The following AFF3 variants were observed in gnomAD, a reference collection of about 807,000 sequenced individuals.
AFF3 encodes AF4/FMR2 family member 3.
AFF3 carries 32 observed loss-of-function variants against 129.7 expected under a neutral mutation model. The observed-to-expected ratio is 0.25, with a 90% CI of 0.19 to 0.33. The LOEUF is 0.33. AFF3 is among the 10% of genes least tolerant of loss of function. AFF3 has a pLI of 1.00. For missense variants in AFF3, 1,373 were observed against 1,592.0 expected (o/e 0.86, Z 2.34); for synonymous variants, 644 against 635.4 (o/e 1.01, Z -0.20).
At chr2:99,630,905 T>G (rs1683062364) in intron 13 of AFF3, 1 of 351,558 alleles carries the variant, frequency 2.8e-6, no homozygotes, top group Non-Finnish European at 6.0e-6. Flanking sequence ...CCAGGCGTGT[T>G]CTGGGCTCAC....
chr2:99,632,068 T>C (rs544527107), intron 13 of AFF3, among the ~76,000 whole-genome samples: 3 of 132,222 alleles, frequency 2.3e-5, no homozygotes, highest in Non-Finnish European at 4.6e-5. Flanking sequence ...CAGGCTGGAG[T>C]GCAATGGCGT....
chr2:99,843,527 A>C (rs1689479067), intron 7 of AFF3, among the ~76,000 whole-genome samples: 1 of 152,250 alleles, frequency 6.6e-6, no homozygotes, highest in Non-Finnish European at 1.5e-5. Context: ...TTATAGTTAG[A>C]AGTATTTAAT....
chr2:99,596,535 G>A (rs758790755), intron 14 of AFF3, among the ~76,000 whole-genome samples: 8 of 152,160 alleles, frequency 5.3e-5, no homozygotes, highest in African/African-American at 7.2e-5. Context: ...TGCTGAAGGG[G>A]CCTCTTGCAG....
At chr2:100,128,519 T>C (rs972576602) in intron 2 of AFF3, among the ~76,000 whole-genome samples, 2 of 152,200 alleles carry the variant, frequency 1.3e-5, no homozygotes, top group Non-Finnish European at 2.9e-5. Flanking sequence ...AAGCAATGAC[T>C]TTCCCAGAGT....
intron 11 of AFF3, among the ~76,000 whole-genome samples, chr2:99,714,008 C>T (rs1000329274): frequency 3.9e-5 from 6 of 152,078 alleles, no homozygotes; most frequent in Admixed American, 6.6e-5. Context: ...GCCAGACTCC[C>T]TAATTTTATA....
intron 13 of AFF3, among the ~76,000 whole-genome samples, chr2:99,638,410 C>A (rs1248547574): frequency 6.6e-6 from 1 of 151,928 alleles, no homozygotes; most frequent in Non-Finnish European, 1.5e-5. Flanking sequence ...TTGGCCCTTT[C>A]CTGTGTTCGC....
intron 4 of AFF3, among the ~76,000 whole-genome samples, chr2:100,068,902 C>T (rs1559102824): frequency 6.6e-6 from 1 of 152,164 alleles, no homozygotes; most frequent in Non-Finnish European, 1.5e-5. Flanking sequence ...GTCCCAACCT[C>T]AGTTCTATCA....
At chr2:99,583,826 C>A (rs1677822124) in intron 16 of AFF3, among the ~76,000 whole-genome samples, 1 of 152,012 alleles carries the variant, frequency 6.6e-6, no homozygotes, top group African/African-American at 2.4e-5. Flanking sequence ...CCGAGGACTC[C>A]CGAGTAGCTG....
chr2:99,857,911 T>C (rs948770542), intron 7 of AFF3, among the ~76,000 whole-genome samples: 18 of 152,156 alleles, frequency 1.2e-4, no homozygotes, highest in African/African-American at 3.9e-4. Context: ...TTTACCACAT[T>C]ATACTGGATT....
chr2:99,778,883 T>C (rs929094203), intron 8 of AFF3, among the ~76,000 whole-genome samples: 1 of 44,016 alleles, frequency 2.3e-5, no homozygotes, highest in Admixed American at 2.5e-4. Flanking sequence ...TGTGTGTGTG[T>C]GTGTGTGTGT....
chr2:100,132,496 T>G (rs1692463812), intron 1 of AFF3, among the ~76,000 whole-genome samples: 2 of 152,076 alleles, frequency 1.3e-5, no homozygotes, highest in Admixed American at 1.3e-4. Context: ...ATATAATAAC[T>G]TAATGAAGAG....
At chr2:99,737,059 T>G (rs1459151740) in intron 10 of AFF3, among the ~76,000 whole-genome samples, 1 of 152,208 alleles carries the variant, frequency 6.6e-6, no homozygotes, top group Non-Finnish European at 1.5e-5. Context: ...GTTTGTAGGT[T>G]AAATACCTTT....
intron 4 of AFF3, among the ~76,000 whole-genome samples, chr2:100,104,193 G>A (rs3111901): frequency 6.6e-6 from 1 of 152,168 alleles, no homozygotes; most frequent in South Asian, 2.1e-4. Flanking sequence ...GCGAGGGAGG[G>A]GAACAGGAGA....
intron 4 of AFF3, among the ~76,000 whole-genome samples, chr2:100,041,188 C>T (rs1685398062): frequency 6.6e-6 from 1 of 152,230 alleles, no homozygotes; most frequent in South Asian, 2.1e-4. Flanking sequence ...CTAAATGGGC[C>T]TCATTGCAAA....
chr2:99,748,948 T>G (rs893966548), intron 9 of AFF3, among the ~76,000 whole-genome samples: 1 of 152,202 alleles, frequency 6.6e-6, no homozygotes, highest in Non-Finnish European at 1.5e-5. Context: ...CGATTTTAGA[T>G]TCTACATATA....
chr2:99,551,070 T>G lies in AFF3; in HGVS notation c.*404A>C. The G allele has an allele frequency of 2.4e-6, 1 of 419,402 alleles. No homozygotes were observed. Among genetic ancestry groups the G allele is most frequent in the East Asian group, 3.3e-5 (1 of 30,048 alleles). The allele number at this position is 419,402 out of a possible 1,614,324, so 26.0% of individuals were successfully genotyped here. A position where few individuals can be genotyped will look rare whatever the true frequency, so the allele number is the denominator to read the frequency against. ...GCACCTGGTTAACTAACCCATGAGA[T>G]TTTGGTTGAATTTTCTAAGAAGTCA... is the stretch of plus-strand genomic sequence containing the variant. On this transcript the variant is annotated 3_prime_UTR_variant, in exon 25 of 25. Coordinates refer to ENST00000672756, the MANE Select transcript of AFF3 (RefSeq NM_001386135.1).
intron 7 of AFF3, among the ~76,000 whole-genome samples, chr2:99,995,148 G>A (rs1680721149): frequency 6.6e-6 from 1 of 152,094 alleles, no homozygotes. Flanking sequence ...CTTGAAGGAA[G>A]GACAGAGCAT....
chr2:99,636,878 T>A (rs557881239), intron 13 of AFF3, among the ~76,000 whole-genome samples: 2 of 152,210 alleles, frequency 1.3e-5, no homozygotes, highest in Non-Finnish European at 2.9e-5. Flanking sequence ...GCCAGCCCAG[T>A]GCAGCCAAGG....
chr2:99,842,190 T>C (rs1238714118), intron 7 of AFF3, among the ~76,000 whole-genome samples: 3 of 152,056 alleles, frequency 2.0e-5, no homozygotes. Context: ...ATAGGTAGGG[T>C]TGGGGTTGGG....
Sources: allele counts gnomAD v4.1 joint callset (sites outside exome capture counted in the v4.1 genomes callset), GRCh38; gene constraint gnomAD v4.1.1; transcripts MANE v1.5; gene names NCBI Gene and HGNC (gene_info 2026-07-23, HGNC 2026-07-21).